Variants in MYO1D observed in about 807,000 individuals in gnomAD.
The protein encoded by MYO1D is myosin ID.
A neutral mutation model predicts 122.0 loss-of-function variants in MYO1D; 83 were observed. The observed-to-expected ratio is 0.68, with a 90% CI of 0.57 to 0.82. The LOEUF is 0.82. Among genes scored for constraint, MYO1D ranks in the 40% least tolerant of loss-of-function variants. The pLI, the probability that MYO1D is intolerant of heterozygous loss-of-function variation, is 0.00. For synonymous variants in MYO1D, 464 were observed against 446.9 expected, an observed-to-expected ratio of 1.04 and a Z score of -0.48; for missense variants, 1,157 against 1,269.5, an observed-to-expected ratio of 0.91 and a Z score of 1.35.
At chr17:32,565,099 G>C (rs2087160646) in intron 21 of MYO1D, among the ~76,000 whole-genome samples, 1 of 152,200 alleles carries the variant, frequency 6.6e-6, no homozygotes, top group African/African-American at 2.4e-5. Context: ...TGCCTCCCAG[G>C]TTCAAGCGAT....
At chr17:32,663,222 G>C (rs2088594617) in intron 16 of MYO1D, among the ~76,000 whole-genome samples, 1 of 152,124 alleles carries the variant, frequency 6.6e-6, no homozygotes, top group South Asian at 2.1e-4. Flanking sequence ...CGGCAATTGT[G>C]CTACTTTCTT....
At position 32,760,349 on chromosome 17, in the gene MYO1D, G is replaced by C; in HGVS notation, c.1237C>G (p.Gln413Glu). 1 of 1,612,578 alleles carries C rather than the reference G, an allele frequency of 6.2e-7. No homozygotes were observed. Among genetic ancestry groups the C allele is most frequent in the Middle Eastern group, 1.7e-4 (1 of 6,056 alleles). The change falls in exon 10 of 22, where the codon CAG becomes GAG. Residue 413 changes from glutamine to glutamate, a missense_variant. Gln to Glu is a conservative substitution (Grantham distance 29). Coordinates refer to ENST00000318217, the MANE Select transcript of MYO1D (RefSeq NM_015194.3). The part of the protein sequence containing the change: ...CNEKLQQLFI[Q>E]LVLKQEQEEY... ...TCTTGTTCTTGCTTCAGAACCAGCT[G>C]AATAAATAGCTGCTGCAGTTTCTCA...
chr17:32,546,602 G>T (rs1054695422), intron 21 of MYO1D, among the ~76,000 whole-genome samples: 1 of 152,234 alleles, frequency 6.6e-6, no homozygotes, highest in Non-Finnish European at 1.5e-5. Flanking sequence ...AGCAGAAAAA[G>T]GATTTGTGGG....
chr17:32,525,655 C>G (rs546730440), intron 21 of MYO1D, among the ~76,000 whole-genome samples: 1 of 152,186 alleles, frequency 6.6e-6, no homozygotes, highest in Admixed American at 6.5e-5. Context: ...CAGGACCCAA[C>G]TCTCTCTGCC....
intron 7 of MYO1D, among the ~76,000 whole-genome samples, chr17:32,766,705 T>C (rs2090062305): frequency 6.6e-6 from 1 of 151,984 alleles, no homozygotes; most frequent in African/African-American, 2.4e-5. Flanking sequence ...GGCAGGAGAA[T>C]GGTATGAACT....
intron 16 of MYO1D, among the ~76,000 whole-genome samples, chr17:32,674,341 T>C (rs531576807): frequency 6.6e-6 from 1 of 152,196 alleles, no homozygotes; most frequent in Non-Finnish European, 1.5e-5. Context: ...CTACTGATAA[T>C]GAGTAAACAT....
chr17:32,513,443 T>C (rs899309972), intron 21 of MYO1D, among the ~76,000 whole-genome samples: 2 of 152,130 alleles, frequency 1.3e-5, no homozygotes, highest in Non-Finnish European at 2.9e-5. Flanking sequence ...AAAGAGAGAA[T>C]GAGTTTGTTT....
chr17:32,619,813 T>C (rs2087831400), intron 20 of MYO1D, among the ~76,000 whole-genome samples: 1 of 152,194 alleles, frequency 6.6e-6, no homozygotes, highest in Non-Finnish European at 1.5e-5. Context: ...TTTTTGACCC[T>C]CTCAGTGCAA....
At chr17:32,507,959 C>T (rs753329625) in intron 21 of MYO1D, among the ~76,000 whole-genome samples, 9 of 147,384 alleles carry the variant, frequency 6.1e-5, no homozygotes, top group East Asian at 2.0e-4. Flanking sequence ...GGCAATGGCG[C>T]GATCTTGGCT....
chr17:32,835,233 A>T (rs530201940), intron 1 of MYO1D, among the ~76,000 whole-genome samples: 4 of 151,678 alleles, frequency 2.6e-5, no homozygotes, highest in African/African-American at 9.7e-5. Context: ...TGCTTGGCAA[A>T]TACCCATTAA....
intron 20 of MYO1D, among the ~76,000 whole-genome samples, chr17:32,626,876 A>G (rs1181043843): frequency 1.3e-5 from 2 of 152,214 alleles, no homozygotes; most frequent in African/African-American, 4.8e-5. Context: ...CTCAAATCCA[A>G]TAATAAAGTC....
intron 15 of MYO1D, 79 bp downstream of exon 15, chr17:32,720,944 T>C (rs2089502291): frequency 1.5e-6 from 2 of 1,355,146 alleles, no homozygotes; most frequent in African/African-American, 3.0e-5. Context: ...GATTGCCTAA[T>C]ATGTGCTGAT....
chr17:32,621,014 C>T lies in MYO1D; in HGVS notation c.2710-15773G>A, dbSNP rs75241706. Among the ~76,000 whole-genome samples, 114 of 152,238 alleles carry T rather than the reference C, an allele frequency of 7.5e-4. No homozygotes were observed. In the East Asian group the frequency reaches 0.019, roughly 25 times the overall value. The stretch of plus-strand genomic sequence containing the variant: ...CATATATAATGAGATATCTTCAGGA[C>T]GGAACCCAAGTCTAAAATGACATTC... On this transcript the variant is annotated intron_variant, in intron 20 of 21. Coordinates refer to ENST00000318217, the MANE Select transcript of MYO1D (RefSeq NM_015194.3).
chr17:32,818,655 C>G (rs766750857), intron 1 of MYO1D, among the ~76,000 whole-genome samples: 1 of 152,228 alleles, frequency 6.6e-6, no homozygotes, highest in Non-Finnish European at 1.5e-5. Context: ...TCAGAAAACC[C>G]TGAGATCAAA....
At chr17:32,655,590 A>G (rs1237713485) in intron 17 of MYO1D, among the ~76,000 whole-genome samples, 1 of 152,192 alleles carries the variant, frequency 6.6e-6, no homozygotes, top group East Asian at 1.9e-4. Context: ...AGAAGAGAAC[A>G]CAGCAAGTGC....
At chr17:32,774,971 C>G (rs888103752) in intron 4 of MYO1D, among the ~76,000 whole-genome samples, 1 of 152,110 alleles carries the variant, frequency 6.6e-6, no homozygotes, top group African/African-American at 2.4e-5. Context: ...TCTATGTATT[C>G]TCTTGCAGTC....
At chr17:32,863,429 C>CT (rs1300429974) in intron 1 of MYO1D, among the ~76,000 whole-genome samples, 3 of 152,168 alleles carry the variant, frequency 2.0e-5, no homozygotes, top group Non-Finnish European at 4.4e-5. Context: ...ATATTAACTC[C>CT]TTTTTTATAC....
At chr17:32,689,205 T>A (rs1255437715) in intron 16 of MYO1D, among the ~76,000 whole-genome samples, 8 of 152,014 alleles carry the variant, frequency 5.3e-5, no homozygotes, top group African/African-American at 1.9e-4. Flanking sequence ...AATAAACTCA[T>A]GAATACAGTA....
At chr17:32,793,129 C>T (rs751288893) in intron 1 of MYO1D, among the ~76,000 whole-genome samples, 2 of 151,836 alleles carry the variant, frequency 1.3e-5, no homozygotes, top group Non-Finnish European at 2.9e-5. Flanking sequence ...TGGAAGAGGG[C>T]ACTTAAGAAG....
Sources: allele counts gnomAD v4.1 joint callset (sites outside exome capture counted in the v4.1 genomes callset), GRCh38; gene constraint gnomAD v4.1.1; transcripts MANE v1.5; gene names NCBI Gene and HGNC (gene_info 2026-07-23, HGNC 2026-07-21).